The following BMPER variants were observed in gnomAD, a reference collection of about 807,000 sequenced individuals.
The protein encoded by BMPER is BMP binding endothelial regulator, also known as BMP-binding endothelial regulator protein.
In BMPER, 45 loss-of-function variants were observed where a neutral mutation model predicts 87.3. The ratio of observed to expected loss-of-function variants is 0.52; its 90% CI spans 0.41 to 0.66. The LOEUF (loss-of-function observed/expected upper bound fraction) is 0.66. Ranked by LOEUF, BMPER falls within the 30% of genes least tolerant of loss-of-function variation. The pLI is 0.00. For missense variants in BMPER, 784 were observed against 867.5 expected, an observed-to-expected ratio of 0.90 and a Z score of 1.21; for synonymous variants, 326 against 316.2, an observed-to-expected ratio of 1.03 and a Z score of -0.33.
chr7:34,121,525 C>T (rs550811602), intron 13 of BMPER, among the ~76,000 whole-genome samples: 1 of 152,152 alleles, frequency 6.6e-6, no homozygotes, highest in Non-Finnish European at 1.5e-5. Context: ...ATTCTGTTTG[C>T]ATTCTTACTC....
intron 6 of BMPER, among the ~76,000 whole-genome samples, chr7:33,989,574 A>G (rs1786137410): frequency 6.6e-6 from 1 of 151,950 alleles, no homozygotes; most frequent in African/African-American, 2.4e-5. Context: ...TTGCCTGTTC[A>G]CTCTGATGGT....
chr7:33,957,119 T>C (rs1785165116), intron 3 of BMPER, among the ~76,000 whole-genome samples: 1 of 152,120 alleles, frequency 6.6e-6, no homozygotes, highest in Non-Finnish European at 1.5e-5. Flanking sequence ...AAAACTTGTG[T>C]TCACATAGAA....
At chr7:34,027,543 T>C (rs976747847) in intron 6 of BMPER, among the ~76,000 whole-genome samples, 3 of 152,092 alleles carry the variant, frequency 2.0e-5, no homozygotes, top group South Asian at 2.1e-4. Flanking sequence ...AGTGAATATC[T>C]AGAGGAAAAA....
intron 6 of BMPER, among the ~76,000 whole-genome samples, chr7:34,005,085 C>T (rs575690961): frequency 1.3e-5 from 2 of 152,204 alleles, no homozygotes; most frequent in Admixed American, 6.5e-5. Context: ...GGGGTTAGGA[C>T]AGAGTGACTC....
intron 2 of BMPER, 95 bp from the exon 3 acceptor site, chr7:33,937,194 T>C: frequency 7.5e-7 from 1 of 1,324,796 alleles, no homozygotes; most frequent in South Asian, 1.2e-5. Context: ...GAAGGCCAGA[T>C]AAGAGTGGGG....
chr7:33,945,035 G>C (rs1414992795), intron 3 of BMPER, among the ~76,000 whole-genome samples: 1 of 151,968 alleles, frequency 6.6e-6, no homozygotes, highest in African/African-American at 2.4e-5. Flanking sequence ...TCCACCTCCT[G>C]GGTTCACACC....
intron 6 of BMPER, among the ~76,000 whole-genome samples, chr7:34,039,871 C>A (rs1456883983): frequency 1.3e-5 from 2 of 152,040 alleles, no homozygotes; most frequent in Non-Finnish European, 1.5e-5. Flanking sequence ...TCATCAGGAA[C>A]ACATCTTGTA....
chr7:34,083,205 G>T (rs1282915531), intron 12 of BMPER, among the ~76,000 whole-genome samples: 1 of 152,168 alleles, frequency 6.6e-6, no homozygotes, highest in South Asian at 2.1e-4. Flanking sequence ...AGGGTGTGAA[G>T]AAATAGAATT....
At chr7:33,956,011 G>A (rs1785139378) in intron 3 of BMPER, among the ~76,000 whole-genome samples, 1 of 150,924 alleles carries the variant, frequency 6.6e-6, no homozygotes, top group South Asian at 2.1e-4. Context: ...GCTGTTCATA[G>A]ACAGACAAAC....
At chr7:34,038,524 A>G (rs1212360399) in intron 6 of BMPER, among the ~76,000 whole-genome samples, 1 of 152,172 alleles carries the variant, frequency 6.6e-6, no homozygotes, top group African/African-American at 2.4e-5. Context: ...TTTGTAACTT[A>G]TCATAGCAGC....
intron 12 of BMPER, 62 bp downstream of exon 12, chr7:34,079,248 C>T: frequency 6.2e-7 from 1 of 1,600,300 alleles, no homozygotes; most frequent in South Asian, 1.1e-5. Context: ...TTCAGCAGCA[C>T]TGCTCGGTTA....
chr7:33,991,892 A>T (rs1242411765), intron 6 of BMPER, among the ~76,000 whole-genome samples: 2 of 140,740 alleles, frequency 1.4e-5, no homozygotes, highest in Non-Finnish European at 3.1e-5. Context: ...GTCATTCAGG[A>T]GCAGGTTGTT....
At chr7:34,107,994 A>G (rs1306177941) in intron 13 of BMPER, among the ~76,000 whole-genome samples, 1 of 152,238 alleles carries the variant, frequency 6.6e-6, no homozygotes, top group African/African-American at 2.4e-5. Context: ...AGTACTTAGT[A>G]CAATTTTTAA....
intron 11 of BMPER, among the ~76,000 whole-genome samples, chr7:34,068,607 A>G (rs1249437459): frequency 6.6e-6 from 1 of 151,980 alleles, no homozygotes; most frequent in Non-Finnish European, 1.5e-5. Context: ...TTTGTTTTCC[A>G]TGTCTACTAG....
intron 6 of BMPER, among the ~76,000 whole-genome samples, chr7:33,984,940 T>G (rs1785961630): frequency 6.6e-6 from 1 of 152,232 alleles, no homozygotes; most frequent in Admixed American, 6.5e-5. Flanking sequence ...CCTCTTTCCA[T>G]CTTTATATCT....
intron 13 of BMPER, among the ~76,000 whole-genome samples, chr7:34,116,058 C>T (rs1790110719): frequency 6.6e-6 from 1 of 152,154 alleles, no homozygotes; most frequent in Non-Finnish European, 1.5e-5. Flanking sequence ...TCTTGATGAC[C>T]AATGATGTCC....
intron 6 of BMPER, among the ~76,000 whole-genome samples, chr7:34,018,737 A>T (rs1585742200): frequency 6.6e-6 from 1 of 151,972 alleles, no homozygotes; most frequent in Non-Finnish European, 1.5e-5. Context: ...GTTACAGTGG[A>T]ATTTTGCCTT....
Position 34,046,389 on chromosome 7 carries a change from C to G in BMPER, c.660C>G (p.Cys220Trp). ...TTAGTCACATACCCCCAGGACAGTGCTGCCCCAAATGTTTGGGTGAGTTAC... is the reference window on the plus strand; with the variant it reads ...TTAGTCACATACCCCCAGGACAGTGGTGCCCCAAATGTTTGGGTGAGTTAC... ...QHLSHIPPGQ[C>W]CPKCLGQRKV... Residue 220 changes from cysteine (C) to tryptophan (W), a missense_variant, in exon 7 of 15, where the codon TGC becomes TGG. Physicochemically the swap from Cys to Trp is radical, Grantham distance 215. Transcript: ENST00000649409. 6.2e-7 allele frequency: 1 copy of G among 1,613,874 alleles called. No homozygotes were observed. Among genetic ancestry groups the G allele is most frequent in the Non-Finnish European group, 8.5e-7 (1 of 1,179,762 alleles).
rs1270686562 is a variant in BMPER at position 33,931,296 on chromosome 7, T to C, written c.220-5993T>C. Reference sequence around the variant, plus strand: ...CATTTTAGTGCTGTGCTTTACAAACTAACCTTCCCAGCTGATCCCGTAAGC... The same window carrying C: ...CATTTTAGTGCTGTGCTTTACAAACCAACCTTCCCAGCTGATCCCGTAAGC... On this transcript the variant is annotated intron_variant, in intron 2 of 14. Coordinates refer to ENST00000649409, the MANE Select transcript of BMPER (RefSeq NM_001365308.1). Among the ~76,000 whole-genome samples the C allele has an allele frequency of 5.3e-5, 8 of 152,230 alleles. No homozygotes were observed. In the East Asian group the frequency reaches 5.8e-4, roughly 11 times the overall value.
Sources: gnomAD v4.1 joint callset for allele counts (sites outside exome capture counted in the v4.1 genomes callset) on GRCh38, gnomAD v4.1.1 for gene constraint, MANE v1.5 for transcripts, NCBI Gene and HGNC (gene_info 2026-07-23, HGNC 2026-07-21) for gene names.